RAE1: variants seen among roughly 807,000 people sequenced by gnomAD.
RAE1 encodes the protein mRNA export factor RAE1.
RAE1 carries 13 observed loss-of-function variants against 52.7 expected under a neutral mutation model. The observed-to-expected ratio is 0.25, with a 90% CI of 0.16 to 0.39. RAE1 has a LOEUF of 0.39. RAE1 is among the 10% of genes least tolerant of loss of function. The probability of loss-of-function intolerance (pLI) is 1.00; values close to 1 mark genes in which losing one functional copy is unlikely to be tolerated. For missense variants in RAE1, 262 were observed against 459.8 expected (o/e 0.57, Z 3.93); for synonymous variants, 164 against 153.1 (o/e 1.07, Z -0.52).
intron 4 of RAE1, among the ~76,000 whole-genome samples, chr20:57,362,676 G>C (rs1049972140): frequency 1.3e-5 from 2 of 152,170 alleles, no homozygotes; most frequent in African/African-American, 4.8e-5. Context: ...ACGTTCTGAC[G>C]GGGAGGCAGG....
chr20:57,375,988 C>T (rs148381100), intron 11 of RAE1, among the ~76,000 whole-genome samples: 1 of 152,244 alleles, frequency 6.6e-6, no homozygotes, highest in Non-Finnish European at 1.5e-5. Context: ...CTCTAAACAG[C>T]GCTTTGCATT....
intron 8 of RAE1, chr20:57,371,100 A>G (rs943740030): frequency 6.6e-5 from 10 of 152,196 alleles, no homozygotes; most frequent in African/African-American, 2.4e-4. Context: ...CTGCCACCAC[A>G]TCTAATTCAA....
chr20:57,376,977 T>C (rs2067125218), intron 11 of RAE1, among the ~76,000 whole-genome samples: 1 of 152,252 alleles, frequency 6.6e-6, no homozygotes, highest in African/African-American at 2.4e-5. Flanking sequence ...AGCATCTTTT[T>C]AGTTTAAAAG....
intron 11 of RAE1, among the ~76,000 whole-genome samples, chr20:57,376,501 C>T (rs2067117765): frequency 6.6e-6 from 1 of 152,182 alleles, no homozygotes; most frequent in African/African-American, 2.4e-5. Context: ...TCCCCTCGCC[C>T]CAGCTTCTTT....
chr20:57,359,002 G>T, intron 4 of RAE1: 1 of 1,517,106 alleles, frequency 6.6e-7, no homozygotes, highest in Admixed American at 2.1e-5. Context: ...AATTTCACTG[G>T]TTGAAAGTAA....
rs535747003 is a variant in RAE1, at chr20:57,352,030, T to TG, written c.-8+615dup. 7.1e-5 allele frequency: 67 copies of TG among 946,152 alleles called. No homozygotes were observed. In the Admixed American group the frequency reaches 8.6e-4, roughly 12 times the overall value. 58.6% of individuals were successfully genotyped at this position (946,152 alleles called of 1,614,324 possible). ...GGCTGCCCTCTTGGAGCCAGCATTC[T>TG]GGGGGGGAAGAGATTTTGAGTGTAA... is the stretch of plus-strand genomic sequence containing the variant. On this transcript the variant is annotated intron_variant, in intron 1 of 11. Transcript: ENST00000395841.
At chr20:57,372,464 G>A (rs1288411931) in intron 8 of RAE1, 1 of 152,306 alleles carries the variant, frequency 6.6e-6, no homozygotes. Flanking sequence ...CCCTGGCATT[G>A]TGCAGTTCCT....
intron 8 of RAE1, chr20:57,373,217 C>T (rs532725096): frequency 1.6e-4 from 78 of 487,046 alleles, no homozygotes; most frequent in African/African-American, 5.3e-4. Context: ...GGCGTGAACG[C>T]GGCCTTGCAG....
At chr20:57,366,938 C>T in intron 6 of RAE1, 45 bp downstream of exon 6, 1 of 1,588,092 alleles carries the variant, frequency 6.3e-7, no homozygotes, top group South Asian at 1.1e-5. Flanking sequence ...TCAGGATTGT[C>T]ATTTATTTTT....
chr20:57,377,787 C>G (rs932248845), intron 11 of RAE1, among the ~76,000 whole-genome samples: 1 of 149,782 alleles, frequency 6.7e-6, no homozygotes, highest in Non-Finnish European at 1.5e-5. Flanking sequence ...TACTCACAGA[C>G]TCTCTCAGTA....
intron 1 of RAE1, chr20:57,351,978 T>G (rs1336470091): frequency 1.0e-5 from 10 of 985,190 alleles, no homozygotes; most frequent in Non-Finnish European, 1.1e-5. Flanking sequence ...GGACCCAGTA[T>G]GCATTAAGGG....
At chr20:57,356,629 G>A (rs989061505) in intron 4 of RAE1, 91 bp downstream of exon 4, 37 of 1,120,860 alleles carry the variant, frequency 3.3e-5, no homozygotes, top group African/African-American at 3.3e-4. Flanking sequence ...TAGCATATAT[G>A]TGTTCATATT....
In RAE1 at chr20:57,374,777, C is replaced by T. The variant is rs576677795; in HGVS notation, c.996C>T (p.Tyr332=). Residue 332 remains tyrosine, a synonymous_variant, in exon 11 of 12, where the codon TAC becomes TAT. Transcript: ENST00000395841. ...CFNHNGNIFA[Y]ASSYDWSKGH... is the part of the protein sequence containing the mutation. ...ATCACAATGGAAACATATTTGCATA[C>T]GCTTCCAGCTACGACTGGTCAAAGG... The T allele has an allele frequency of 5.5e-5, 89 of 1,614,242 alleles. No homozygotes were observed. In the South Asian group the frequency reaches 7.6e-4, roughly 14 times the overall value.
chr20:57,373,194 A>G (rs2067061833), intron 8 of RAE1: 1 of 425,648 alleles, frequency 2.3e-6, no homozygotes, highest in African/African-American at 2.0e-5. Flanking sequence ...CTCGCAGCCC[A>G]TGGGGCTCTG....
At chr20:57,353,104 C>T (rs925254717) in intron 1 of RAE1, among the ~76,000 whole-genome samples, 6 of 152,216 alleles carry the variant, frequency 3.9e-5, no homozygotes, top group African/African-American at 1.4e-4. Context: ...ATTTGGCTCC[C>T]TTTGGAGAGG....
intron 5 of RAE1, among the ~76,000 whole-genome samples, chr20:57,365,746 C>T (rs1260246064): frequency 6.6e-6 from 1 of 152,154 alleles, no homozygotes. Flanking sequence ...TTGCCATTCA[C>T]AGGTTGGACG....
intron 7 of RAE1, among the ~76,000 whole-genome samples, chr20:57,368,074 A>G (rs1316849859): frequency 6.6e-6 from 1 of 152,184 alleles, no homozygotes; most frequent in African/African-American, 2.4e-5. Flanking sequence ...CTTTTAGTAG[A>G]GACGGGGTTT....
chr20:57,353,826 CTT>C (rs549758287), intron 1 of RAE1, among the ~76,000 whole-genome samples: 164 of 152,280 alleles, frequency 1.1e-3, no homozygotes, highest in African/African-American at 3.5e-3. Flanking sequence ...GGAATTCTAT[CTT>C]TACTATTTCT....
chr20:57,354,102 A>G lies in RAE1; in HGVS notation c.64A>G (p.Thr22Ala), dbSNP rs781660721. 7.8e-5 allele frequency: 126 copies of G among 1,613,998 alleles called. No individual in the cohort carries two copies. The highest frequency in any genetic ancestry group is 1.0e-4 in the Non-Finnish European group (122 of 1,179,968). The change falls in exon 2 of 12, where the codon ACT becomes GCT. Residue 22 changes from threonine to alanine, a missense_variant. Physicochemically the swap from Thr to Ala is moderately conservative, Grantham distance 58 (BLOSUM62 0). Transcript: ENST00000395841. ...TGGGACCAGCATGTTTGGCAGTGCAACTACAGACAATCACAATCCCATGAA... is the reference window on the plus strand; with the variant it reads ...TGGGACCAGCATGTTTGGCAGTGCAGCTACAGACAATCACAATCCCATGAA... ...TSGTSMFGSA[T>A]TDNHNPMKDI...
Sources: gnomAD v4.1 joint callset for allele counts (sites outside exome capture counted in the v4.1 genomes callset) on GRCh38, gnomAD v4.1.1 for gene constraint, MANE v1.5 for transcripts, NCBI Gene and HGNC (gene_info 2026-07-23, HGNC 2026-07-21) for gene names.